The following GALNT2 variants were observed in gnomAD, a reference collection of about 807,000 sequenced individuals.
The protein encoded by GALNT2 is UDP-GalNAc:polypeptide N-acetylgalactosaminyltransferase 2.
A neutral mutation model predicts 81.4 loss-of-function variants in GALNT2; 31 were observed. The ratio of observed to expected loss-of-function variants is 0.38; its 90% CI spans 0.29 to 0.51. GALNT2 has a LOEUF of 0.51. Among genes scored for constraint, GALNT2 ranks in the 20% least tolerant of loss-of-function variants. GALNT2 has a pLI of 0.87. For synonymous variants in GALNT2, 303 were observed against 287.4 expected (o/e 1.05, Z -0.55); for missense variants, 629 against 765.7 (o/e 0.82, Z 2.11).
At chr1:230,061,099 C>T (rs1659035799) in intron 1 of GALNT2, among the ~76,000 whole-genome samples, 1 of 151,872 alleles carries the variant, frequency 6.6e-6, no homozygotes, top group South Asian at 2.1e-4. Flanking sequence ...GTGCTCATTG[C>T]TACTGGGATA....
intron 4 of GALNT2, 80 bp from the exon 5 acceptor site, chr1:230,236,273 C>T: frequency 4.8e-6 from 7 of 1,458,650 alleles, no homozygotes; most frequent in Non-Finnish European, 6.7e-6. Context: ...TTAGGACCAA[C>T]ATATGAGAAT....
intron 1 of GALNT2, among the ~76,000 whole-genome samples, chr1:230,175,386 C>T (rs746991165): frequency 1.3e-5 from 2 of 152,140 alleles, no homozygotes; most frequent in Non-Finnish European, 2.9e-5. Context: ...CATACGAACA[C>T]TAAATGTTCA....
rs535163452 is a variant in GALNT2, at chr1:230,279,833, G to T, written c.*375G>T. On this transcript the variant is annotated 3_prime_UTR_variant, in exon 16 of 16. Coordinates refer to ENST00000366672, the MANE Select transcript of GALNT2 (RefSeq NM_004481.5). This position sits in a 1 kb window ranked among gnomAD's most constrained non-coding sequence, Gnocchi z 4.6. ...GCTGAGGACAGGGCGGGAGGAGGGG[G>T]CACACATGCCCCAGGGGAGCGAGGA... 2.5e-5 allele frequency: 12 copies of T among 476,656 alleles called. No individual in the cohort carries two copies. Among genetic ancestry groups the T allele is most frequent in the South Asian group, 1.9e-4 (12 of 64,716 alleles). 29.5% of individuals were successfully genotyped at this position (476,656 alleles called of 1,614,324 possible).
intron 1 of GALNT2, among the ~76,000 whole-genome samples, chr1:230,098,569 C>T (rs895597060): frequency 1.3e-5 from 2 of 151,726 alleles, no homozygotes; most frequent in African/African-American, 4.8e-5. Flanking sequence ...AGCGGTAAGA[C>T]GAGATGGGGG....
At chr1:230,136,722 C>T (rs868046509) in intron 1 of GALNT2, among the ~76,000 whole-genome samples, 2 of 152,214 alleles carry the variant, frequency 1.3e-5, no homozygotes, top group Non-Finnish European at 2.9e-5. Context: ...ATTTTCCAAA[C>T]ACCGCTTGTT....
intron 15 of GALNT2, among the ~76,000 whole-genome samples, chr1:230,274,825 T>A (rs1400846860): frequency 6.6e-6 from 1 of 152,186 alleles, no homozygotes; most frequent in Non-Finnish European, 1.5e-5. Context: ...TTTTGTTTAT[T>A]CATCAAATAC....
chr1:230,085,404 C>G (rs374486014), intron 1 of GALNT2, among the ~76,000 whole-genome samples: 1 of 152,138 alleles, frequency 6.6e-6, no homozygotes, highest in South Asian at 2.1e-4. Flanking sequence ...AAGGTTGCCC[C>G]GTGGAGGCTG....
upstream of GALNT2, among the ~76,000 whole-genome samples, chr1:230,066,987 C>T (rs897745108): frequency 1.3e-5 from 2 of 149,112 alleles, no homozygotes; most frequent in African/African-American, 4.9e-5. Flanking sequence ...CCTCCCGCGG[C>T]CCGCGCCCCG....
At chr1:230,064,887 T>G (rs1659134874), upstream of GALNT2, among the ~76,000 whole-genome samples, 1 of 152,262 alleles carries the variant, frequency 6.6e-6, no homozygotes, top group Non-Finnish European at 1.5e-5. Flanking sequence ...AGAAGTCTGA[T>G]GCCAGCATAA....
At chr1:230,216,486 A>G (rs1664393590) in intron 3 of GALNT2, among the ~76,000 whole-genome samples, 1 of 152,206 alleles carries the variant, frequency 6.6e-6, no homozygotes, top group African/African-American at 2.4e-5. Context: ...CCGTTGCCCA[A>G]GCTGGAGTAC....
intron 3 of GALNT2, 63 bp from the exon 4 acceptor site, chr1:230,235,951 G>A: frequency 6.7e-7 from 1 of 1,496,972 alleles, no homozygotes; most frequent in Middle Eastern, 1.7e-4. Context: ...TCTCTGAAGG[G>A]CTAAACAAGC....
intron 1 of GALNT2, among the ~76,000 whole-genome samples, chr1:230,081,247 C>A (rs927005984): frequency 1.3e-5 from 2 of 152,170 alleles, no homozygotes; most frequent in African/African-American, 4.8e-5. Flanking sequence ...GGGTCCCCCC[C>A]AGCTGGTGTG....
intron 1 of GALNT2, among the ~76,000 whole-genome samples, chr1:230,144,249 C>T (rs1325174943): frequency 1.3e-5 from 2 of 152,102 alleles, no homozygotes; most frequent in Non-Finnish European, 2.9e-5. Context: ...ATTTAGTGTC[C>T]AGACCTGAGT....
chr1:230,168,444 C>T (rs1311369183), intron 1 of GALNT2, among the ~76,000 whole-genome samples: 3 of 152,188 alleles, frequency 2.0e-5, no homozygotes, highest in African/African-American at 2.4e-5. Flanking sequence ...GAGGCCTTGC[C>T]CCTCCTGTCC....
intron 3 of GALNT2, among the ~76,000 whole-genome samples, chr1:230,216,571 G>A (rs1664396184): frequency 6.6e-6 from 1 of 152,152 alleles, no homozygotes; most frequent in Non-Finnish European, 1.5e-5. Context: ...GACTACAGGT[G>A]TGCGCCACTG....
At chr1:230,177,256 G>A (rs1663009891) in intron 1 of GALNT2, among the ~76,000 whole-genome samples, 1 of 152,246 alleles carries the variant, frequency 6.6e-6, no homozygotes, top group African/African-American at 2.4e-5. Flanking sequence ...CACACAGTCC[G>A]CACTGGTCCA....
In GALNT2 at chr1:230,279,369, C is replaced by T. The variant is rs1046665269; in HGVS notation, c.1627C>T (p.Arg543Cys). Residue 543 changes from arginine (R) to cysteine (C), a missense_variant, in exon 16 of 16, where the codon CGC (arginine) becomes TGC (cysteine). Coordinates refer to ENST00000366672, the MANE Select transcript of GALNT2 (RefSeq NM_004481.5). This position sits in a 1 kb window ranked among gnomAD's most constrained non-coding sequence, Gnocchi z 4.6. ...HVGSNLCLDSRTAKSGGLSVE... is the reference protein window; with the variant it reads ...HVGSNLCLDSCTAKSGGLSVE... ...GGGCAGCAACCTGTGCCTGGACAGT[C>T]GCACGGCCAAGAGCGGGGGCCTAAG... 8.1e-6 allele frequency: 13 copies of T among 1,614,018 alleles called. No individual in the cohort carries two copies. Among genetic ancestry groups the T allele is most frequent in the East Asian group, 4.5e-5 (2 of 44,888 alleles).
chr1:230,209,118 A>C (rs1037598824), intron 3 of GALNT2, among the ~76,000 whole-genome samples: 2 of 151,796 alleles, frequency 1.3e-5, no homozygotes, highest in African/African-American at 4.8e-5. Flanking sequence ...CTTCTCCATC[A>C]GCCAGCCCTC....
intron 1 of GALNT2, among the ~76,000 whole-genome samples, chr1:230,090,161 T>C (rs903476540): frequency 1.3e-5 from 2 of 152,218 alleles, no homozygotes; most frequent in Non-Finnish European, 2.9e-5. Context: ...TGACCCCATA[T>C]GTGGGTGTCT....
Sources: allele counts gnomAD v4.1 joint callset (sites outside exome capture counted in the v4.1 genomes callset), GRCh38; gene constraint gnomAD v4.1.1; non-coding constraint Gnocchi (gnomAD v3.1); transcripts MANE v1.5; gene names NCBI Gene and HGNC (gene_info 2026-07-23, HGNC 2026-07-21).